The following CYP2F1 variants were observed in gnomAD, a reference collection of about 807,000 sequenced individuals.
CYP2F1 encodes the protein cytochrome P450 2F1.
A neutral mutation model predicts 40.4 loss-of-function variants in CYP2F1; 33 were observed. The ratio of observed to expected loss-of-function variants is 0.82; its 90% confidence interval spans 0.62 to 1.09. The LOEUF is 1.09. Ranked by LOEUF, CYP2F1 falls within the 50% of genes least tolerant of loss-of-function variation. The pLI is 0.00. For missense variants in CYP2F1, 566 were observed against 655.7 expected, an observed-to-expected ratio of 0.86 and a Z score of 1.49; for synonymous variants, 235 against 277.2, an observed-to-expected ratio of 0.85 and a Z score of 1.51.
At chr19:41,126,461 T>C (rs930494628) in intron 9 of CYP2F1, among the ~76,000 whole-genome samples, 3 of 151,638 alleles carry the variant, frequency 2.0e-5, no homozygotes, top group Admixed American at 2.0e-4. Flanking sequence ...ATAATTATTA[T>C]TTAACTTGGG....
chr19:41,120,506 T>G lies in CYP2F1; in HGVS notation c.484+10T>G. On this transcript the variant is annotated intron_variant, in intron 4 of 9. Transcript: ENST00000331105. ...CTGCGGAAAACTGAAGGTCAGGAAT[T>G]TTTTTTAACAGGCTGGATGGCACGA... The G allele has an allele frequency of 1.2e-6, 2 of 1,610,540 alleles. No homozygotes were observed. The highest frequency in any genetic ancestry group is 1.7e-6 in the Non-Finnish European group (2 of 1,178,898).
intron 9 of CYP2F1, 24 bp from the exon 10 acceptor site, chr19:41,127,877 C>A (rs776876695): frequency 5.2e-5 from 84 of 1,602,478 alleles, no homozygotes; most frequent in Non-Finnish European, 7.0e-5. Flanking sequence ...CTCACCGCCG[C>A]TCCCCATCCT....
intron 9 of CYP2F1, 95 bp from the exon 10 acceptor site, chr19:41,127,806 T>C: frequency 1.1e-6 from 1 of 888,374 alleles, no homozygotes. Context: ...AGCTGCTGTC[T>C]TCCTTTCCTC....
intron 3 of CYP2F1, among the ~76,000 whole-genome samples, chr19:41,119,028 G>T (rs1217738093): frequency 6.6e-6 from 1 of 152,126 alleles, no homozygotes; most frequent in Non-Finnish European, 1.5e-5. Context: ...AGGCTGGGAT[G>T]GGGGAAGCCT....
chr19:41,125,344 C>G (rs1267278484), intron 8 of CYP2F1, 149 bp from the exon 9 acceptor site: 28 of 599,232 alleles, frequency 4.7e-5, no homozygotes, highest in African/African-American at 3.8e-4. Flanking sequence ...GACACCCACA[C>G]ATATTTCCTT....
chr19:41,124,961 T>C (rs1375192176), intron 8 of CYP2F1, 55 bp downstream of exon 8: 28 of 1,482,364 alleles, frequency 1.9e-5, no homozygotes, highest in Non-Finnish European at 2.0e-5. Flanking sequence ...CATCGCAGGC[T>C]CTTGCACTGG....
chr19:41,121,519 G>C lies in CYP2F1; in HGVS notation c.546G>C (p.Val182=), dbSNP rs2144754462. Residue 182 remains valine (V), a synonymous_variant, in exon 5 of 10, where the codon GTG becomes GTC. Transcript: ENST00000331105. Reference sequence around the variant, plus strand: ...CAGTGTCCAACATTATCTGTTCCGTGCTCTTCGGCAGCCGCTTCGACTATG... The same window carrying C: ...CAGTGTCCAACATTATCTGTTCCGTCCTCTTCGGCAGCCGCTTCGACTATG... ...SRSVSNIICS[V]LFGSRFDYDD... 3 of 1,609,766 alleles carry C rather than the reference G, an allele frequency of 1.9e-6. No individual in the cohort carries two copies. Among genetic ancestry groups the C allele is most frequent in the East Asian group, 2.2e-5 (1 of 44,658 alleles).
chr19:41,127,509 T>A (rs2032589937), intron 9 of CYP2F1, among the ~76,000 whole-genome samples: 2 of 152,174 alleles, frequency 1.3e-5, no homozygotes, highest in South Asian at 4.1e-4. Context: ...TTTTAAAATT[T>A]TTTTTGTAGA....
intron 3 of CYP2F1, among the ~76,000 whole-genome samples, 184 bp downstream of exon 3, chr19:41,116,801 C>T (rs2031840681): frequency 6.6e-6 from 1 of 152,082 alleles, no homozygotes; most frequent in African/African-American, 2.4e-5. Flanking sequence ...TCCTCACCTC[C>T]AGATCCCACC....
intron 4 of CYP2F1, among the ~76,000 whole-genome samples, chr19:41,120,967 T>C (rs1182789777): frequency 6.6e-6 from 1 of 151,958 alleles, no homozygotes; most frequent in Non-Finnish European, 1.5e-5. Flanking sequence ...TGGGTTGCTG[T>C]GTACTAGCGT....
chr19:41,116,880 T>G (rs2031846339), intron 3 of CYP2F1, among the ~76,000 whole-genome samples: 1 of 151,944 alleles, frequency 6.6e-6, no homozygotes, highest in African/African-American at 2.4e-5. Flanking sequence ...GTCATCCCAA[T>G]CCCTAGCTCT....
At position 41,120,384 on chromosome 19, in the gene CYP2F1, G is replaced by C. The variant is rs2032120228; in HGVS notation, c.372G>C (p.Leu124=). ...AFSSGDRWKV[L]RQFSIQILRN... Reference sequence around the variant, plus strand: ...CCAGTGGGGATCGATGGAAGGTCCTGAGACAGTTCTCTATCCAGATTCTAC... The same window carrying C: ...CCAGTGGGGATCGATGGAAGGTCCTCAGACAGTTCTCTATCCAGATTCTAC... The change falls in exon 4 of 10, where the codon CTG becomes CTC. Residue 124 remains leucine (L), a synonymous_variant. Coordinates refer to ENST00000331105, the MANE Select transcript of CYP2F1 (RefSeq NM_000774.5). 3.7e-6 allele frequency: 6 copies of C among 1,613,846 alleles called. No homozygotes were observed. The highest frequency in any genetic ancestry group is 5.1e-6 in the Non-Finnish European group (6 of 1,179,934).
At chr19:41,124,981 T>C in intron 8 of CYP2F1, 75 bp downstream of exon 8, 1 of 1,324,922 alleles carries the variant, frequency 7.5e-7, no homozygotes, top group South Asian at 1.4e-5. Context: ...GCAAGGAGTA[T>C]CCCAGGCACT....
At chr19:41,124,028 G>A (rs1243033019) in intron 7 of CYP2F1, among the ~76,000 whole-genome samples, 1 of 151,656 alleles carries the variant, frequency 6.6e-6, no homozygotes, top group Non-Finnish European at 1.5e-5. Flanking sequence ...CTCTGCCCCT[G>A]ATCTCCAGCC....
intron 4 of CYP2F1, among the ~76,000 whole-genome samples, chr19:41,121,214 C>G (rs2032178071): frequency 6.6e-6 from 1 of 151,980 alleles, no homozygotes; most frequent in Non-Finnish European, 1.5e-5. Flanking sequence ...ATAGCCCGTT[C>G]TGTGGTTGGG....
chr19:41,123,013 C>A lies in CYP2F1; in HGVS notation c.964+50C>A, dbSNP rs372975136. ...TGGAGGTGCCCATGTGTTCCAGCCT[C>A]ACCCCAGAGCAGGGAGCCACGGCCC... On this transcript the variant is annotated intron_variant, in intron 7 of 9. Transcript: ENST00000331105. The A allele has an allele frequency of 2.4e-5, 38 of 1,575,848 alleles. No homozygotes were observed. In the African/African-American group the frequency reaches 4.7e-4, roughly 20 times the overall value.
intron 9 of CYP2F1, among the ~76,000 whole-genome samples, chr19:41,127,054 A>G (rs920279831): frequency 7.9e-5 from 12 of 152,158 alleles, no homozygotes; most frequent in African/African-American, 2.7e-4. Flanking sequence ...CTAAGAGCTT[A>G]TGTTTTCCTC....
intron 1 of CYP2F1, 49 bp from the exon 2 acceptor site, chr19:41,116,129 G>A (rs949258340): frequency 2.8e-6 from 4 of 1,419,516 alleles, no homozygotes; most frequent in African/African-American, 3.0e-5. Context: ...GAGATGGAAA[G>A]GAGGGATCAG....
chr19:41,119,114 A>G (rs1202071390), intron 3 of CYP2F1, among the ~76,000 whole-genome samples: 1 of 152,134 alleles, frequency 6.6e-6, no homozygotes, highest in Non-Finnish European at 1.5e-5. Context: ...GCTTCCTGGA[A>G]GAGGGGACCT....
Sources: gnomAD v4.1 joint callset for allele counts (sites outside exome capture counted in the v4.1 genomes callset) on GRCh38, gnomAD v4.1.1 for gene constraint, MANE v1.5 for transcripts, NCBI Gene and HGNC (gene_info 2026-07-23, HGNC 2026-07-21) for gene names.